The following UTS2 variants were observed in gnomAD, a reference collection of about 807,000 sequenced individuals.
UTS2 encodes the protein urotensin-2.
UTS2 carries 10 observed loss-of-function variants against 12.6 expected under a neutral mutation model. That is an observed-to-expected ratio of 0.80 (90% CI 0.49 to 1.35). The LOEUF (loss-of-function observed/expected upper bound fraction) is 1.35, where lower values mean the gene tolerates loss of function less well. UTS2 is among the 40% of genes most tolerant of loss of function. The pLI is 0.00. For missense variants in UTS2, 142 were observed against 143.2 expected (o/e 0.99, Z 0.04); for synonymous variants, 52 against 50.0 (o/e 1.04, Z -0.17).
the UTS2 span, among the ~76,000 whole-genome samples, chr1:7,901,634 A>G: frequency 0.018 from 2,566 of 144,918 alleles, 28 homozygotes; most frequent in Middle Eastern, 0.031. Context: ...GTGTGTGTAT[A>G]TATATATTTA....
intron 3 of UTS2, among the ~76,000 whole-genome samples, chr1:7,849,208 G>T (rs1300944288): frequency 2.0e-5 from 3 of 151,938 alleles, no homozygotes; most frequent in Non-Finnish European, 2.9e-5. Flanking sequence ...AATAATGCTG[G>T]CCAATTATTA....
upstream of UTS2, among the ~76,000 whole-genome samples, chr1:7,856,465 C>G (rs867108022): frequency 6.6e-6 from 1 of 152,158 alleles, no homozygotes; most frequent in Non-Finnish European, 1.5e-5. Flanking sequence ...GGCAGCCATC[C>G]GTTCAGTGGT....
At chr1:7,893,619 G>A in the UTS2 span, among the ~76,000 whole-genome samples, 3 of 152,142 alleles carry the variant, frequency 2.0e-5, no homozygotes, top group Non-Finnish European at 2.9e-5. Flanking sequence ...CCATGTGGAC[G>A]ACAAACATCT....
chr1:7,883,684 A>T, the UTS2 span, among the ~76,000 whole-genome samples: 2 of 152,134 alleles, frequency 1.3e-5, no homozygotes, highest in Non-Finnish European at 2.9e-5. Context: ...ATCAATTTTT[A>T]AAAATTTTTT....
the UTS2 span, among the ~76,000 whole-genome samples, chr1:7,892,974 C>T: frequency 6.6e-6 from 1 of 152,092 alleles, no homozygotes; most frequent in African/African-American, 2.4e-5. Context: ...TGTTATTCTG[C>T]CTGCGTTGTT....
the UTS2 span, among the ~76,000 whole-genome samples, chr1:7,871,098 C>A: frequency 6.6e-6 from 1 of 152,266 alleles, no homozygotes; most frequent in Non-Finnish European, 1.5e-5. Flanking sequence ...TCACTGACAT[C>A]AGCCAGGATA....
upstream of UTS2, among the ~76,000 whole-genome samples, chr1:7,857,572 A>G (rs228637): frequency 0.18 from 28,035 of 151,870 alleles, 3,150 homozygotes; most frequent in South Asian, 0.28. Context: ...AAATGTTTTG[A>G]TGCAGCATGG....
At chr1:7,872,187 G>GC in the UTS2 span, among the ~76,000 whole-genome samples, 32 of 150,556 alleles carry the variant, frequency 2.1e-4, no homozygotes, top group Non-Finnish European at 4.3e-4. Context: ...TATAGTCCCA[G>GC]TACTCGGGAG....
At chr1:7,904,355 T>C in the UTS2 span, among the ~76,000 whole-genome samples, 1 of 151,414 alleles carries the variant, frequency 6.6e-6, no homozygotes, top group Middle Eastern at 3.5e-3. Context: ...CGCATGCCTG[T>C]AGTCTCAGCT....
At chr1:7,889,522 C>T in the UTS2 span, among the ~76,000 whole-genome samples, 4 of 146,616 alleles carry the variant, frequency 2.7e-5, no homozygotes, top group Admixed American at 6.8e-5. Flanking sequence ...GAGAAAGATC[C>T]GGCCAGGTGC....
the UTS2 span, among the ~76,000 whole-genome samples, chr1:7,870,490 C>T: frequency 6.6e-6 from 1 of 152,196 alleles, no homozygotes; most frequent in Non-Finnish European, 1.5e-5. Flanking sequence ...AAGACAGTAT[C>T]CTTCACACTT....
intron 1 of UTS2, among the ~76,000 whole-genome samples, chr1:7,852,244 C>T (rs2097414937): frequency 6.6e-6 from 1 of 151,998 alleles, no homozygotes; most frequent in South Asian, 2.1e-4. Flanking sequence ...GGAACCTAAT[C>T]CCCAAGCATT....
At chr1:7,862,841 T>G in the UTS2 span, among the ~76,000 whole-genome samples, 1 of 152,136 alleles carries the variant, frequency 6.6e-6, no homozygotes, top group African/African-American at 2.4e-5. Flanking sequence ...CAGCGGGACC[T>G]TTGCACTGGC....
the UTS2 span, among the ~76,000 whole-genome samples, chr1:7,910,733 T>G: frequency 1.3e-5 from 2 of 152,264 alleles, no homozygotes; most frequent in African/African-American, 4.8e-5. Context: ...TGTTTGTTTT[T>G]GGGATTTTTT....
At chr1:7,868,194 CA>C in the UTS2 span, among the ~76,000 whole-genome samples, 1 of 152,176 alleles carries the variant, frequency 6.6e-6, no homozygotes, top group Admixed American at 6.5e-5. Flanking sequence ...GGGTGTCTTG[CA>C]GGGTTAGCCT....
At chr1:7,909,021 G>C in the UTS2 span, among the ~76,000 whole-genome samples, 4 of 152,000 alleles carry the variant, frequency 2.6e-5, no homozygotes, top group Non-Finnish European at 5.9e-5. Context: ...TGGCCAGGCT[G>C]ACCTTGTGAT....
the UTS2 span, among the ~76,000 whole-genome samples, chr1:7,862,474 T>C: frequency 6.6e-6 from 1 of 151,802 alleles, no homozygotes; most frequent in Admixed American, 6.5e-5. Flanking sequence ...AATCTGCAAT[T>C]AATTTTGCAC....
chr1:7,851,299 G>T (rs2097413909), intron 1 of UTS2, among the ~76,000 whole-genome samples: 1 of 148,460 alleles, frequency 6.7e-6, no homozygotes. Flanking sequence ...TAGATATTTG[G>T]GTGGTGACAT....
chr1:7,849,489 G>T, intron 3 of UTS2, 151 bp downstream of exon 3: 1 of 660,016 alleles, frequency 1.5e-6, no homozygotes, highest in African/African-American at 1.9e-5. Context: ...GGGATCACAG[G>T]CATGAGCTAC....
Sources: gnomAD v4.1 joint callset for allele counts (sites outside exome capture counted in the v4.1 genomes callset) on GRCh38, gnomAD v4.1.1 for gene constraint, MANE v1.5 for transcripts, NCBI Gene and HGNC (gene_info 2026-07-23, HGNC 2026-07-21) for gene names.